Variants in GNG12 observed in about 807,000 individuals in gnomAD.
GNG12 encodes guanine nucleotide-binding protein G(I)/G(S)/G(O) subunit gamma-12.
For synonymous variants in GNG12, 28 were observed against 29.7 expected (o/e 0.94, Z 0.19); for missense variants, 69 against 83.8 (o/e 0.82, Z 0.69).
intron 2 of GNG12, among the ~76,000 whole-genome samples, chr1:67,707,944 C>T (rs1019052244): frequency 5.9e-5 from 9 of 152,182 alleles, no homozygotes; most frequent in African/African-American, 2.2e-4. Flanking sequence ...CCAGCACTAG[C>T]AGTTTAATCG....
intron 1 of GNG12, chr1:67,832,228 A>G (rs1345127956): frequency 2.6e-5 from 4 of 152,224 alleles, no homozygotes; most frequent in African/African-American, 9.7e-5. Context: ...GGGAGCAGCC[A>G]TTAAACGCGC....
At chr1:67,758,198 T>G (rs551240013) in intron 2 of GNG12, among the ~76,000 whole-genome samples, 3 of 152,288 alleles carry the variant, frequency 2.0e-5, no homozygotes, top group Admixed American at 6.5e-5. Flanking sequence ...GGTCTCAAAC[T>G]CCTGACCTCA....
chr1:67,832,516 C>T (rs1034127703), intron 1 of GNG12: 2 of 152,018 alleles, frequency 1.3e-5, no homozygotes, highest in Admixed American at 1.3e-4. Flanking sequence ...TGCTAAGTGA[C>T]AGCGTTTTAA....
At chr1:67,777,935 T>C (rs1359359503) in intron 1 of GNG12, among the ~76,000 whole-genome samples, 2 of 152,196 alleles carry the variant, frequency 1.3e-5, no homozygotes, top group Non-Finnish European at 2.9e-5. Flanking sequence ...TTTCTAACAG[T>C]GGCTTTCTGA....
chr1:67,756,806 C>G (rs1311047379), intron 2 of GNG12, among the ~76,000 whole-genome samples: 1 of 152,166 alleles, frequency 6.6e-6, no homozygotes, highest in Non-Finnish European at 1.5e-5. Flanking sequence ...CTGGGCCAAT[C>G]TCTAAAACCA....
intron 1 of GNG12, among the ~76,000 whole-genome samples, chr1:67,811,554 GCTAT>G (rs1300787785): frequency 6.6e-6 from 1 of 152,108 alleles, no homozygotes; most frequent in Non-Finnish European, 1.5e-5. Flanking sequence ...GCCTGACTTG[GCTAT>G]CTTACATGCT....
chr1:67,788,471 C>T (rs753561116), intron 1 of GNG12, among the ~76,000 whole-genome samples: 1 of 151,502 alleles, frequency 6.6e-6, no homozygotes, highest in Admixed American at 6.6e-5. Flanking sequence ...GTAGCTGGGA[C>T]TACAGGGGCA....
intron 2 of GNG12, among the ~76,000 whole-genome samples, chr1:67,726,620 C>G (rs1158700717): frequency 6.6e-6 from 1 of 152,214 alleles, no homozygotes. Context: ...CCTCCTAAGA[C>G]TTTCCCAAAT....
chr1:67,826,993 A>T (rs2249608), intron 1 of GNG12, among the ~76,000 whole-genome samples: 43,602 of 152,146 alleles, frequency 0.29, 6,408 homozygotes, highest in Admixed American at 0.35. Flanking sequence ...ATTATTTCAC[A>T]TCAATGAAGT....
rs866234285 is a variant in GNG12 at position 67,717,163 on chromosome 1, C to T, written c.-26-9451G>A. ...TGGCTTATGGTATGATCAGAGTCTC[C>T]GCCTCTTGATCCTCCCCATGTTTAT... is the stretch of plus-strand genomic sequence containing the variant. On this transcript the variant is annotated intron_variant, in intron 2 of 3. Transcript: ENST00000370982. 2.0e-5 allele frequency among the ~76,000 whole-genome samples: 3 copies of T among 152,158 alleles called. No homozygotes were observed. The South Asian group carries it at 6.2e-4, about 32-fold the overall frequency.
At chr1:67,763,775 C>A (rs548907634) in intron 2 of GNG12, among the ~76,000 whole-genome samples, 3 of 152,144 alleles carry the variant, frequency 2.0e-5, no homozygotes, top group Admixed American at 1.3e-4. Flanking sequence ...CTATGAATTA[C>A]TGATTGGCTT....
chr1:67,758,234 A>G (rs1189390108), intron 2 of GNG12, among the ~76,000 whole-genome samples: 1 of 152,166 alleles, frequency 6.6e-6, no homozygotes, highest in African/African-American at 2.4e-5. Context: ...TAGGCTTCCC[A>G]AAGTATTGGG....
At chr1:67,714,984 G>A (rs546606595) in intron 2 of GNG12, among the ~76,000 whole-genome samples, 26 of 152,202 alleles carry the variant, frequency 1.7e-4, no homozygotes, top group African/African-American at 6.3e-4. Context: ...GTGCAGTGGC[G>A]CGATCTCGGC....
At chr1:67,749,193 C>T (rs1646524735) in intron 2 of GNG12, among the ~76,000 whole-genome samples, 1 of 152,172 alleles carries the variant, frequency 6.6e-6, no homozygotes, top group Non-Finnish European at 1.5e-5. Context: ...TGGAGGGAGA[C>T]AGATTTGGGT....
At chr1:67,808,907 C>A (rs1333378180) in intron 1 of GNG12, among the ~76,000 whole-genome samples, 1 of 152,098 alleles carries the variant, frequency 6.6e-6, no homozygotes, top group Non-Finnish European at 1.5e-5. Context: ...CAATCAAAAT[C>A]TCAGAAAATT....
intron 2 of GNG12, among the ~76,000 whole-genome samples, chr1:67,708,688 A>C (rs1199103068): frequency 6.6e-6 from 1 of 152,198 alleles, no homozygotes; most frequent in Non-Finnish European, 1.5e-5. Flanking sequence ...CTATATGGCT[A>C]AGTTCATTCT....
chr1:67,731,038 A>G (rs1646416088), intron 2 of GNG12, among the ~76,000 whole-genome samples: 1 of 152,180 alleles, frequency 6.6e-6, no homozygotes, highest in Admixed American at 6.5e-5. Context: ...AGTAAAGAGC[A>G]ATCACTCTCC....
chr1:67,747,701 A>AT, intron 2 of GNG12, among the ~76,000 whole-genome samples: 1 of 152,348 alleles, frequency 6.6e-6, no homozygotes, highest in South Asian at 2.1e-4. Flanking sequence ...AAAAAGTCTG[A>AT]TTTTACATGT....
intron 1 of GNG12, among the ~76,000 whole-genome samples, chr1:67,778,182 AAAAAG>A (rs1272554283): frequency 5.9e-5 from 9 of 151,596 alleles, no homozygotes; most frequent in Admixed American, 5.3e-4. Context: ...TTAAAAAGCA[AAAAAG>A]AAATTAATTT....
Sources: gnomAD v4.1 joint callset for allele counts (sites outside exome capture counted in the v4.1 genomes callset) on GRCh38, gnomAD v4.1.1 for gene constraint, MANE v1.5 for transcripts, NCBI Gene and HGNC (gene_info 2026-07-23, HGNC 2026-07-21) for gene names.